Variants in BABAM2 observed in about 807,000 individuals in gnomAD.
BABAM2 encodes the protein BRISC and BRCA1 A complex member 2.
Under a neutral mutation model 54.7 loss-of-function variants are expected in BABAM2, and 31 were observed. That is an observed-to-expected ratio of 0.57 (90% CI 0.43 to 0.77). The LOEUF (loss-of-function observed/expected upper bound fraction) is 0.77. BABAM2 is among the 30% of genes least tolerant of loss of function. The probability of loss-of-function intolerance (pLI) is 0.00; values close to 1 mark genes in which losing one functional copy is unlikely to be tolerated. For missense variants in BABAM2, 364 were observed against 455.8 expected (o/e 0.80, Z 1.83); for synonymous variants, 167 against 162.9 (o/e 1.03, Z -0.19).
In BABAM2 at chr2:27,956,405, T is replaced by G. The variant is rs561545799; in HGVS notation, c.205+26497T>G. Among the ~76,000 whole-genome samples, 15 of 152,338 alleles carry G rather than the reference T, an allele frequency of 9.8e-5. No homozygotes were observed. The East Asian group carries it at 2.9e-3, about 29-fold the overall frequency. ...GGAAGAAATTTTTGGATTTGAGATA[T>G]GAAAGAATTTGATGTCCAGATTATT... On this transcript the variant is annotated intron_variant, in intron 3 of 11. Transcript: ENST00000379624.
At chr2:28,115,005 G>C (rs776479435) in intron 6 of BABAM2, among the ~76,000 whole-genome samples, 1 of 152,018 alleles carries the variant, frequency 6.6e-6, no homozygotes, top group South Asian at 2.1e-4. Flanking sequence ...TTGTTTTTCA[G>C]ATATTTATTG....
At chr2:28,209,501 A>T (rs1288328972) in intron 7 of BABAM2, among the ~76,000 whole-genome samples, 1 of 152,240 alleles carries the variant, frequency 6.6e-6, no homozygotes, top group African/African-American at 2.4e-5. Flanking sequence ...AATAATTTTT[A>T]TATTTCTGGA....
intron 3 of BABAM2, among the ~76,000 whole-genome samples, chr2:27,944,384 G>A (rs971755268): frequency 6.6e-6 from 1 of 152,004 alleles, no homozygotes; most frequent in Non-Finnish European, 1.5e-5. Context: ...ACACAAATCG[G>A]TCCCCTCCAC....
At chr2:28,105,631 T>C (rs142232783) in intron 6 of BABAM2, among the ~76,000 whole-genome samples, 2,843 of 152,318 alleles carry the variant, frequency 0.019, 46 homozygotes, top group Middle Eastern at 0.031. Context: ...CTTCAAGCGT[T>C]GTTGGCGATG....
intron 11 of BABAM2, among the ~76,000 whole-genome samples, chr2:28,331,182 T>C (rs1690925571): frequency 6.6e-6 from 1 of 152,190 alleles, no homozygotes; most frequent in African/African-American, 2.4e-5. Flanking sequence ...CAAGATGGAT[T>C]AAAGACTTAA....
chr2:28,102,409 T>C (rs1667164608), intron 6 of BABAM2, among the ~76,000 whole-genome samples: 1 of 152,200 alleles, frequency 6.6e-6, no homozygotes, highest in Non-Finnish European at 1.5e-5. Flanking sequence ...TTTAATACCA[T>C]TTAAGAGTAG....
intron 6 of BABAM2, among the ~76,000 whole-genome samples, chr2:28,089,244 A>G (rs1015906364): frequency 6.6e-6 from 1 of 152,200 alleles, no homozygotes; most frequent in Non-Finnish European, 1.5e-5. Flanking sequence ...CAACATCCAC[A>G]GACATGGTAC....
At chr2:28,157,595 A>ATTTGGT (rs1453914112) in intron 7 of BABAM2, among the ~76,000 whole-genome samples, 2 of 152,096 alleles carry the variant, frequency 1.3e-5, no homozygotes, top group Non-Finnish European at 2.9e-5. Flanking sequence ...AAATGTATTA[A>ATTTGGT]CCCTGTTCAG....
At chr2:27,973,465 C>T (rs548367550) in intron 3 of BABAM2, among the ~76,000 whole-genome samples, 1 of 151,776 alleles carries the variant, frequency 6.6e-6, no homozygotes, top group South Asian at 2.1e-4. Flanking sequence ...TCTTCTGTCC[C>T]TAAGGCAGGC....
At position 27,915,557 on chromosome 2, in the gene BABAM2, A is replaced by G. The variant is rs530586582; in HGVS notation, c.129-14275A>G. Among the ~76,000 whole-genome samples, 5 of 152,352 alleles carry G rather than the reference A, an allele frequency of 3.3e-5. 1 individual carries two copies. The highest frequency in any genetic ancestry group is 2.1e-4 in the South Asian group (1 of 4,828). ...ACGAAATCCTTTCAAACTACCTAACAACCAAAAATACGTGGATGGCACACT... is the reference window on the plus strand; with the variant it reads ...ACGAAATCCTTTCAAACTACCTAACGACCAAAAATACGTGGATGGCACACT... On this transcript the variant is annotated intron_variant, in intron 2 of 11. Transcript: ENST00000379624.
chr2:28,092,723 C>A (rs975460939), intron 6 of BABAM2, among the ~76,000 whole-genome samples: 6 of 150,776 alleles, frequency 4.0e-5, no homozygotes, highest in African/African-American at 1.5e-4. Context: ...CTTAATATAT[C>A]CAAGTCCTCT....
At chr2:28,013,387 C>T (rs1674543188) in intron 4 of BABAM2, 1 of 455,458 alleles carries the variant, frequency 2.2e-6, no homozygotes, top group Non-Finnish European at 4.4e-6. Context: ...GTGAGGCTGC[C>T]TACTGAATGG....
At chr2:27,986,471 C>T (rs983098320) in intron 3 of BABAM2, among the ~76,000 whole-genome samples, 1 of 151,804 alleles carries the variant, frequency 6.6e-6, no homozygotes, top group East Asian at 1.9e-4. Context: ...GGGCTGTTAA[C>T]AGTAGGAAAA....
chr2:27,966,292 T>TA (rs1484408657), intron 3 of BABAM2, among the ~76,000 whole-genome samples: 4 of 152,224 alleles, frequency 2.6e-5, no homozygotes, highest in African/African-American at 7.2e-5. Flanking sequence ...TGAGTACAGG[T>TA]TCCTTTAGGA....
chr2:28,283,944 A>G (rs1464971866), intron 10 of BABAM2, among the ~76,000 whole-genome samples: 1 of 152,224 alleles, frequency 6.6e-6, no homozygotes, highest in African/African-American at 2.4e-5. Flanking sequence ...GCTGTCAGAA[A>G]TGGTTTACTG....
chr2:28,153,739 C>T (rs1672272328), intron 7 of BABAM2, among the ~76,000 whole-genome samples: 1 of 152,194 alleles, frequency 6.6e-6, no homozygotes, highest in African/African-American at 2.4e-5. Context: ...TTTAGGGGCT[C>T]AGAAATCTGC....
upstream of BABAM2, among the ~76,000 whole-genome samples, chr2:27,889,507 G>T (rs1297833782): frequency 6.6e-6 from 1 of 152,014 alleles, no homozygotes; most frequent in Non-Finnish European, 1.5e-5. Flanking sequence ...CATTACTTTT[G>T]TAATCAGAAA....
At chr2:28,252,186 CAA>C (rs1280015583) in intron 10 of BABAM2, among the ~76,000 whole-genome samples, 3 of 97,346 alleles carry the variant, frequency 3.1e-5, no homozygotes, top group African/African-American at 3.6e-5. Context: ...AACTCCATCT[CAA>C]AAAAAAAAAA....
intron 2 of BABAM2, among the ~76,000 whole-genome samples, chr2:27,905,162 G>A (rs1160451412): frequency 6.6e-6 from 1 of 152,184 alleles, no homozygotes; most frequent in African/African-American, 2.4e-5. Flanking sequence ...GAACACTTAA[G>A]ATGACTTTGG....
Sources: allele counts gnomAD v4.1 joint callset (sites outside exome capture counted in the v4.1 genomes callset), GRCh38; gene constraint gnomAD v4.1.1; transcripts MANE v1.5; gene names NCBI Gene and HGNC (gene_info 2026-07-23, HGNC 2026-07-21).